The following MID2 variants were observed in gnomAD, a reference collection of about 807,000 sequenced individuals.
MID2 encodes the protein probable E3 ubiquitin-protein ligase MID2.
MID2 carries 13 observed loss-of-function variants against 46.1 expected under a neutral mutation model. The ratio of observed to expected loss-of-function variants is 0.28; its 90% confidence interval spans 0.18 to 0.45. MID2 has a LOEUF of 0.45. Among genes scored for constraint, MID2 ranks in the 20% least tolerant of loss-of-function variants. The probability of loss-of-function intolerance (pLI) is 1.00; values close to 1 mark genes in which losing one functional copy is unlikely to be tolerated. For synonymous variants in MID2, 199 were observed against 212.3 expected, an observed-to-expected ratio of 0.94 and a Z score of 0.55; for missense variants, 431 against 575.4, an observed-to-expected ratio of 0.75 and a Z score of 2.57.
chrX:107,895,429 G>T (rs1044508032), intron 3 of MID2: 5 of 111,850 alleles, frequency 4.5e-5, no homozygotes, highest in African/African-American at 1.6e-4. Context: ...CATATAGTAT[G>T]TAAAATACTG....
intron 3 of MID2, among the ~76,000 whole-genome samples, chrX:107,886,359 G>A (rs1932453304): frequency 8.9e-6 from 1 of 111,890 alleles, no homozygotes; most frequent in South Asian, 3.8e-4. Flanking sequence ...AGTTTTCCCA[G>A]CACCATTTAT....
intron 3 of MID2, among the ~76,000 whole-genome samples, chrX:107,870,936 T>C (rs1932050946): frequency 1.8e-5 from 2 of 111,044 alleles, no homozygotes; most frequent in Admixed American, 9.6e-5. Context: ...TAATTATCCC[T>C]TGTAAGTTAG....
rs1159521516 is a variant in MID2 at position 107,917,580 on chromosome X, G to A, written c.1276G>A (p.Asp426Asn). ...HDTITVHWIS[D>N]DEFSISSYEL... ...CACCATTACAGTCCACTGGATCTCG[G>A]ATGATGAGTTCAGCATCAGCTCCTA... Residue 426 changes from aspartate to asparagine, a missense_variant, in exon 7 of 10, where the codon GAT (aspartate) becomes AAT (asparagine). By Grantham distance (23) the Asp-to-Asn change is conservative. Coordinates refer to ENST00000262843, the MANE Select transcript of MID2 (RefSeq NM_012216.4). 3 of 1,211,353 alleles carry A rather than the reference G, an allele frequency of 2.5e-6. No individual in the cohort carries two copies. The highest frequency in any genetic ancestry group is 5.9e-5 in the East Asian group (2 of 33,836).
chrX:107,851,296 A>G (rs1380036419), intron 2 of MID2, among the ~76,000 whole-genome samples: 1 of 111,448 alleles, frequency 9.0e-6, no homozygotes, highest in Non-Finnish European at 1.9e-5. Context: ...AGGATTTCAC[A>G]AATTCTTCCA....
In MID2 at chrX:107,931,223, A is replaced by G. The variant is rs1280390275; in HGVS notation, c.*4150A>G. Among the ~76,000 whole-genome samples, 2 of 112,259 alleles carry G rather than the reference A, an allele frequency of 1.8e-5. No individual in the cohort carries two copies. The highest frequency in any genetic ancestry group is 3.8e-5 in the Non-Finnish European group (2 of 53,213). On this transcript the variant is annotated 3_prime_UTR_variant, in exon 10 of 10. Transcript: ENST00000262843. ...CAAATATTTGATACTGCTTCCTCCA[A>G]GGAATGGAGAGTGTCAGGCAGGTAG... is the stretch of plus-strand genomic sequence containing the variant.
At chrX:107,854,581 T>C in intron 2 of MID2, 28 bp from the exon 3 acceptor site, 1 of 1,119,967 alleles carries the variant, frequency 8.9e-7, no homozygotes, top group Non-Finnish European at 1.2e-6. Context: ...TCGGTTCCCC[T>C]CTGGATTCAT....
rs755236763 is a variant in MID2, at chrX:107,928,212, A to G, written c.*1139A>G. 2.7e-5 allele frequency among the ~76,000 whole-genome samples: 3 copies of G among 111,949 alleles called. No homozygotes were observed. Among genetic ancestry groups the G allele is most frequent in the South Asian group, 7.5e-4 (2 of 2,655 alleles). On this transcript the variant is annotated 3_prime_UTR_variant, in exon 10 of 10. Coordinates refer to ENST00000262843, the MANE Select transcript of MID2 (RefSeq NM_012216.4). ...CATATAAATGTACTTGCTTTTTCAG[A>G]TAAAACACTTCTGAAGTGCTCAAGA...
intron 7 of MID2, among the ~76,000 whole-genome samples, chrX:107,918,993 A>T (rs747887893): frequency 9.0e-6 from 1 of 111,100 alleles, no homozygotes; most frequent in East Asian, 2.9e-4. Flanking sequence ...GAAGTCATCT[A>T]GTCTAATCTT....
At chrX:107,915,515 G>A (rs774650896) in intron 5 of MID2, among the ~76,000 whole-genome samples, 2 of 109,140 alleles carry the variant, frequency 1.8e-5, no homozygotes, top group Admixed American at 9.7e-5. Context: ...CTGAGATGGC[G>A]CCACTGCACT....
chrX:107,873,035 C>A (rs1487270659), intron 3 of MID2, among the ~76,000 whole-genome samples: 1 of 110,246 alleles, frequency 9.1e-6, no homozygotes, highest in South Asian at 4.0e-4. Context: ...TTGTGGTCTC[C>A]AAGCACAATG....
At chrX:107,850,177 CACACACACACAG>C (rs1173007993) in intron 2 of MID2, among the ~76,000 whole-genome samples, 1 of 89,750 alleles carries the variant, frequency 1.1e-5, no homozygotes, top group African/African-American at 7.0e-5. Flanking sequence ...CACACACATC[CACACACACACAG>C]ACACACACAC....
chrX:107,842,156 A>G (rs538014900), intron 2 of MID2, among the ~76,000 whole-genome samples: 3 of 112,435 alleles, frequency 2.7e-5, no homozygotes, highest in Admixed American at 1.9e-4. Context: ...ATGGGCTACA[A>G]ACTGAAGCAT....
intron 1 of MID2, among the ~76,000 whole-genome samples, chrX:107,836,717 A>G (rs1931215282): frequency 9.0e-6 from 1 of 111,397 alleles, no homozygotes; most frequent in African/African-American, 3.3e-5. Flanking sequence ...AGGAGTACCC[A>G]GAACAAGAAA....
At position 107,840,856 on chromosome X, in the gene MID2, C is replaced by A; in HGVS notation, c.191C>A (p.Ser64Tyr). ...CGCATTTTGGTATCAAGCTGCAGCT[C>A]TGGTGAATCCATTGAACCCATTACT... ...AHRILVSSCS[S>Y]GESIEPITAF... Residue 64 changes from serine to tyrosine, a missense_variant, in exon 2 of 10, where the codon TCT (serine) becomes TAT (tyrosine). Physicochemically the swap from Ser to Tyr is moderately radical, Grantham distance 144 (BLOSUM62 -2). Transcript: ENST00000262843. 2 of 1,211,756 alleles carry A rather than the reference C, an allele frequency of 1.7e-6. No individual in the cohort carries two copies. The highest frequency in any genetic ancestry group is 2.2e-6 in the Non-Finnish European group (2 of 895,508).
At chrX:107,840,621 C>A in intron 1 of MID2, 49 bp from the exon 2 acceptor site, 1 of 997,990 alleles carries the variant, frequency 1.0e-6, no homozygotes. Flanking sequence ...GTGTTATATC[C>A]ATTTTCCTTT....
At chrX:107,856,501 A>G (rs1435399186) in intron 3 of MID2, among the ~76,000 whole-genome samples, 2 of 112,220 alleles carry the variant, frequency 1.8e-5, no homozygotes, top group Non-Finnish European at 3.8e-5. Flanking sequence ...TAAGCAGTTT[A>G]TTTTTATAGC....
At chrX:107,869,983 A>G (rs1053339191) in intron 3 of MID2, among the ~76,000 whole-genome samples, 20 of 111,650 alleles carry the variant, frequency 1.8e-4, no homozygotes, top group Non-Finnish European at 3.4e-4. Context: ...TGCCTTGTTC[A>G]TAATGTTACT....
Position 107,926,279 on chromosome X carries a change from G to A in MID2, c.1783G>A (p.Val595Met). 8.3e-7 allele frequency: 1 copy of A among 1,207,820 alleles called. No homozygotes were observed. Among genetic ancestry groups the A allele is most frequent in the Non-Finnish European group, 1.1e-6 (1 of 893,236 alleles). Residue 595 changes from valine (V) to methionine (M), a missense_variant, in exon 9 of 10, where the codon GTG (valine) becomes ATG (methionine). By Grantham distance (21) the Val-to-Met change is conservative. Coordinates refer to ENST00000262843, the MANE Select transcript of MID2 (RefSeq NM_012216.4). ...TGACAGTGGCTGCCACTATTGGGAGGTGGTCATGGGTTCCTCAACATGGTG... is the reference window on the plus strand; with the variant it reads ...TGACAGTGGCTGCCACTATTGGGAGATGGTCATGGGTTCCTCAACATGGTG... ...FIDSGCHYWE[V>M]VMGSSTWYAI...
chrX:107,855,735 C>T (rs916618333), intron 3 of MID2, among the ~76,000 whole-genome samples: 9 of 111,508 alleles, frequency 8.1e-5, no homozygotes, highest in African/African-American at 2.9e-4. Flanking sequence ...ACCTTCTGAC[C>T]CCCAATCATT....
Sources: gnomAD v4.1 joint callset for allele counts (sites outside exome capture counted in the v4.1 genomes callset) on GRCh38, gnomAD v4.1.1 for gene constraint, MANE v1.5 for transcripts, NCBI Gene and HGNC (gene_info 2026-07-23, HGNC 2026-07-21) for gene names.